Variants in NELL1 observed in about 807,000 individuals in gnomAD.
NELL1 encodes the protein protein kinase C-binding protein NELL1.
Under a neutral mutation model 107.4 loss-of-function variants are expected in NELL1, and 76 were observed. The observed-to-expected ratio is 0.71, with a 90% CI of 0.59 to 0.86. The LOEUF is 0.86. NELL1 is among the 40% of genes least tolerant of loss of function. NELL1 has a pLI of 0.00. For synonymous variants in NELL1, 353 were observed against 341.2 expected (o/e 1.03, Z -0.38); for missense variants, 1,024 against 1,005.5 (o/e 1.02, Z -0.25).
intron 13 of NELL1, among the ~76,000 whole-genome samples, chr11:21,145,586 T>G (rs1384895180): frequency 1.3e-5 from 2 of 152,228 alleles, no homozygotes; most frequent in African/African-American, 4.8e-5. Context: ...GCTGCTGCTA[T>G]CTCTTGATTA....
chr11:21,552,990 C>T (rs1016536985), intron 16 of NELL1, among the ~76,000 whole-genome samples: 2 of 151,830 alleles, frequency 1.3e-5, no homozygotes, highest in Admixed American at 1.3e-4. Context: ...TTCTTAGCTC[C>T]TGTAATCTGA....
chr11:21,088,059 CTGTG>C (rs56900585), intron 12 of NELL1, among the ~76,000 whole-genome samples: 11,009 of 135,900 alleles, frequency 0.081, 440 homozygotes, highest in Admixed American at 0.11. Context: ...CCCAGTAGCT[CTGTG>C]TGTGTGTGTG....
In NELL1 at chr11:20,772,334, C is replaced by T. The variant is rs528727020; in HGVS notation, c.185-11346C>T. On this transcript the variant is annotated intron_variant, in intron 2 of 19. Coordinates refer to ENST00000357134, the MANE Select transcript of NELL1 (RefSeq NM_006157.5). ...ACTAGGGAAGCCAAACAGAAATATA[C>T]ACAATAAGCTACAAAGTTGGAGTCA... Among the ~76,000 whole-genome samples the T allele has an allele frequency of 2.0e-5, 3 of 152,214 alleles. No homozygotes were observed. In the South Asian group the frequency reaches 6.2e-4, roughly 32 times the overall value.
intron 12 of NELL1, among the ~76,000 whole-genome samples, chr11:20,999,346 C>T (rs1041783851): frequency 2.0e-5 from 3 of 152,190 alleles, no homozygotes; most frequent in Non-Finnish European, 4.4e-5. Context: ...TCAGTCTGTC[C>T]ATAGCTTTGC....
At chr11:20,781,986 A>G (rs909239042) in intron 2 of NELL1, among the ~76,000 whole-genome samples, 3 of 151,018 alleles carry the variant, frequency 2.0e-5, no homozygotes, top group Admixed American at 2.0e-4. Context: ...GGTTGCAGTG[A>G]GCCGAGATCA....
chr11:21,534,542 A>G (rs764941099), intron 16 of NELL1, 28 bp downstream of exon 16: 4 of 1,612,442 alleles, frequency 2.5e-6, no homozygotes, highest in African/African-American at 2.7e-5. Flanking sequence ...ATGCCCTCCA[A>G]CTGCTTGGAC....
chr11:21,476,818 G>A (rs1854346511), intron 15 of NELL1, among the ~76,000 whole-genome samples: 2 of 152,082 alleles, frequency 1.3e-5, no homozygotes, highest in African/African-American at 2.4e-5. Context: ...ATGATTGTGG[G>A]ACTTTGCACT....
chr11:21,421,617 A>G (rs1271953719), intron 15 of NELL1, among the ~76,000 whole-genome samples: 1 of 151,192 alleles, frequency 6.6e-6, no homozygotes, highest in Non-Finnish European at 1.5e-5. Context: ...GCATTACTGT[A>G]AGCTACTCCT....
chr11:21,029,336 A>G (rs1022606999), intron 12 of NELL1, among the ~76,000 whole-genome samples: 1 of 152,144 alleles, frequency 6.6e-6, no homozygotes, highest in Admixed American at 6.6e-5. Flanking sequence ...CAACGTCTAT[A>G]CTGTCTTCCT....
intron 12 of NELL1, among the ~76,000 whole-genome samples, chr11:21,016,164 G>A (rs1400386): frequency 0.065 from 9,859 of 152,122 alleles, 428 homozygotes; most frequent in South Asian, 0.16. Flanking sequence ...TGTTAGGACC[G>A]ACAGGATCAT....
At chr11:21,526,370 G>C (rs2133961787) in intron 15 of NELL1, among the ~76,000 whole-genome samples, 1 of 152,304 alleles carries the variant, frequency 6.6e-6, no homozygotes, top group Non-Finnish European at 1.5e-5. Flanking sequence ...TGCTTTCAAG[G>C]GTTGGCATTG....
chr11:20,864,651 T>G (rs950684494), intron 4 of NELL1, among the ~76,000 whole-genome samples: 1 of 152,236 alleles, frequency 6.6e-6, no homozygotes, highest in Non-Finnish European at 1.5e-5. Flanking sequence ...CCTGTCTGCC[T>G]GTTGCTGCTG....
chr11:20,975,731 T>TG (rs1851598904), intron 12 of NELL1, among the ~76,000 whole-genome samples: 4 of 101,140 alleles, frequency 4.0e-5, no homozygotes, highest in Non-Finnish European at 5.8e-5. Flanking sequence ...ATGTATTATA[T>TG]AATGTATGTA....
intron 15 of NELL1, among the ~76,000 whole-genome samples, chr11:21,503,276 T>G (rs1399409043): frequency 6.6e-6 from 1 of 152,216 alleles, no homozygotes; most frequent in Non-Finnish European, 1.5e-5. Flanking sequence ...GGCATAAGTA[T>G]GAAAAGAAGT....
intron 13 of NELL1, among the ~76,000 whole-genome samples, chr11:21,181,447 C>T (rs1453743193): frequency 2.0e-5 from 3 of 151,818 alleles, no homozygotes; most frequent in Non-Finnish European, 4.4e-5. Flanking sequence ...AGCTATATGG[C>T]TTTAAAGAGT....
At chr11:21,263,326 G>A (rs978185686) in intron 14 of NELL1, among the ~76,000 whole-genome samples, 1 of 151,952 alleles carries the variant, frequency 6.6e-6, no homozygotes, top group Non-Finnish European at 1.5e-5. Context: ...AACTGGAGAT[G>A]TGATTGTTAA....
At chr11:20,669,565 G>T (rs967272405), upstream of NELL1, 7 of 379,966 alleles carry the variant, frequency 1.8e-5, no homozygotes, top group East Asian at 3.0e-4. This position sits in a 1 kb window ranked among gnomAD's most constrained non-coding sequence, Gnocchi z 4.4. Context: ...CTGCCTTCCC[G>T]GGCGCATATG....
chr11:21,209,932 T>G (rs1241484885), intron 13 of NELL1, among the ~76,000 whole-genome samples: 1 of 152,176 alleles, frequency 6.6e-6, no homozygotes, highest in Non-Finnish European at 1.5e-5. Flanking sequence ...ATTTACATTC[T>G]GCTTCTATAC....
At chr11:21,143,403 G>A (rs1485743151) in intron 13 of NELL1, among the ~76,000 whole-genome samples, 1 of 152,172 alleles carries the variant, frequency 6.6e-6, no homozygotes, top group South Asian at 2.1e-4. Context: ...GATGGAGAAG[G>A]AGGAAAGAAA....
Sources: allele counts gnomAD v4.1 joint callset (sites outside exome capture counted in the v4.1 genomes callset), GRCh38; gene constraint gnomAD v4.1.1; non-coding constraint Gnocchi (gnomAD v3.1); transcripts MANE v1.5; gene names NCBI Gene and HGNC (gene_info 2026-07-23, HGNC 2026-07-21).